CCDC91: variants seen among roughly 807,000 people sequenced by gnomAD.
CCDC91 encodes coiled-coil domain-containing protein 91.
A neutral mutation model predicts 63.2 loss-of-function variants in CCDC91; 48 were observed. The ratio of observed to expected loss-of-function variants is 0.76; its 90% CI spans 0.60 to 0.97. The LOEUF is 0.97. Ranked by LOEUF, CCDC91 falls within the 50% of genes least tolerant of loss-of-function variation. The pLI is 0.00. For missense variants in CCDC91, 500 were observed against 494.6 expected (o/e 1.01, Z -0.10); for synonymous variants, 167 against 165.8 (o/e 1.01, Z -0.06).
chr12:28,355,586 T>C (rs1040022770), intron 6 of CCDC91, among the ~76,000 whole-genome samples: 6 of 152,198 alleles, frequency 3.9e-5, no homozygotes, highest in African/African-American at 9.7e-5. Flanking sequence ...ACCACCAATT[T>C]CTTTCCTTAA....
chr12:28,341,050 C>T (rs1201558584), intron 6 of CCDC91, among the ~76,000 whole-genome samples: 1 of 152,106 alleles, frequency 6.6e-6, no homozygotes, highest in African/African-American at 2.4e-5. Flanking sequence ...TTCTGTCCAC[C>T]CCAATCAAAC....
chr12:28,478,724 GC>G (rs1566037826), intron 11 of CCDC91, among the ~76,000 whole-genome samples: 2 of 152,092 alleles, frequency 1.3e-5, no homozygotes, highest in Non-Finnish European at 2.9e-5. Flanking sequence ...CTGACAAAGG[GC>G]TAATATCCAG....
intron 6 of CCDC91, among the ~76,000 whole-genome samples, chr12:28,336,396 CA>C (rs1941985820): frequency 1.3e-5 from 2 of 151,964 alleles, no homozygotes; most frequent in African/African-American, 2.4e-5. Flanking sequence ...CCTAATAGAA[CA>C]AAAAAGATTT....
intron 6 of CCDC91, among the ~76,000 whole-genome samples, chr12:28,325,561 T>C (rs1321702260): frequency 1.3e-5 from 2 of 151,900 alleles, no homozygotes; most frequent in African/African-American, 4.8e-5. Context: ...AAGGATACAT[T>C]GTGAGTATTG....
intron 11 of CCDC91, among the ~76,000 whole-genome samples, chr12:28,480,803 T>G (rs1254198389): frequency 6.6e-6 from 1 of 152,046 alleles, no homozygotes; most frequent in South Asian, 2.1e-4. Context: ...TGGTGATACT[T>G]GTTTTCTGTA....
chr12:28,263,698 A>G (rs1471023020), intron 3 of CCDC91, among the ~76,000 whole-genome samples: 1 of 152,034 alleles, frequency 6.6e-6, no homozygotes, highest in African/African-American at 2.4e-5. Context: ...TATGACTCCC[A>G]TCTCTTTATG....
chr12:28,493,214 C>T (rs1952104654), intron 12 of CCDC91, among the ~76,000 whole-genome samples: 1 of 151,558 alleles, frequency 6.6e-6, no homozygotes, highest in Non-Finnish European at 1.5e-5. Context: ...TACCCAAAAT[C>T]AGTACGAGGG....
chr12:28,323,530 T>G (rs541463795), intron 6 of CCDC91, among the ~76,000 whole-genome samples: 6 of 152,082 alleles, frequency 3.9e-5, no homozygotes, highest in Admixed American at 1.3e-4. Flanking sequence ...CATTTCTGTT[T>G]TATTGCACAT....
chr12:28,379,707 G>C (rs572198845), intron 7 of CCDC91, among the ~76,000 whole-genome samples: 1 of 152,270 alleles, frequency 6.6e-6, no homozygotes, highest in South Asian at 2.1e-4. Flanking sequence ...CTGTTGGTGG[G>C]AGTGTATATT....
At chr12:28,372,284 T>C (rs1944668400) in intron 7 of CCDC91, among the ~76,000 whole-genome samples, 1 of 152,176 alleles carries the variant, frequency 6.6e-6, no homozygotes, top group African/African-American at 2.4e-5. Flanking sequence ...CTTCCAGATT[T>C]GTTCTTTTTG....
chr12:28,473,440 TTAAA>T (rs1304870581), intron 11 of CCDC91, among the ~76,000 whole-genome samples: 1 of 152,220 alleles, frequency 6.6e-6, no homozygotes, highest in Admixed American at 6.5e-5. Flanking sequence ...ACTATGAGTT[TTAAA>T]TAATTTACTT....
intron 1 of CCDC91, among the ~76,000 whole-genome samples, chr12:28,247,862 A>G (rs1945859278): frequency 6.6e-6 from 1 of 152,140 alleles, no homozygotes. Flanking sequence ...CATTAGTTAG[A>G]TTCTCCTAAG....
chr12:28,337,270 G>C (rs1472059289), intron 6 of CCDC91, among the ~76,000 whole-genome samples: 5 of 152,000 alleles, frequency 3.3e-5, no homozygotes, highest in African/African-American at 1.2e-4. Flanking sequence ...ACATGTATTT[G>C]ATGTTTTTCG....
At chr12:28,437,020 T>C (rs1948946367) in intron 8 of CCDC91, among the ~76,000 whole-genome samples, 1 of 151,870 alleles carries the variant, frequency 6.6e-6, no homozygotes, top group Non-Finnish European at 1.5e-5. Flanking sequence ...CAGTCTCTTT[T>C]CCTTGTAGGT....
chr12:28,237,521 G>C (rs984816194), intron 1 of CCDC91, among the ~76,000 whole-genome samples: 11 of 152,134 alleles, frequency 7.2e-5, no homozygotes, highest in Non-Finnish European at 1.3e-4. Context: ...AGTAGAAAGA[G>C]ATTTGAAGAT....
chr12:28,548,160 C>T (rs997323549), intron 12 of CCDC91, among the ~76,000 whole-genome samples: 8 of 152,020 alleles, frequency 5.3e-5, no homozygotes, highest in South Asian at 2.1e-4. Context: ...CCTCTTGTTT[C>T]GTTTACCATA....
intron 1 of CCDC91, among the ~76,000 whole-genome samples, chr12:28,219,979 T>A (rs1401389199): frequency 6.6e-6 from 1 of 152,178 alleles, no homozygotes; most frequent in Non-Finnish European, 1.5e-5. Context: ...TAATTTTATC[T>A]CTTTTGTGTT....
intron 12 of CCDC91, among the ~76,000 whole-genome samples, chr12:28,539,246 C>T (rs1466397140): frequency 1.3e-5 from 2 of 152,090 alleles, no homozygotes; most frequent in East Asian, 1.9e-4. Context: ...TTAGGTCTAA[C>T]GTTTAAGTCT....
chr12:28,438,214 A>G lies in CCDC91; in HGVS notation c.763-11947A>G, dbSNP rs75506216. On this transcript the variant is annotated intron_variant, in intron 8 of 12. Coordinates refer to ENST00000536442, the MANE Select transcript of CCDC91 (RefSeq NM_018318.5). Reference sequence around the variant, plus strand: ...CTACTGCAACTTCAGCATCTTTGTAATGTCCATATCTCCGGTAGTAAGAGG... The same window carrying G: ...CTACTGCAACTTCAGCATCTTTGTAGTGTCCATATCTCCGGTAGTAAGAGG... Among the ~76,000 whole-genome samples, 36 of 152,178 alleles carry G rather than the reference A, an allele frequency of 2.4e-4. No individual in the cohort carries two copies. In the East Asian group the frequency reaches 2.5e-3, roughly 11 times the overall value.
Sources: gnomAD v4.1 joint callset for allele counts (sites outside exome capture counted in the v4.1 genomes callset) on GRCh38, gnomAD v4.1.1 for gene constraint, MANE v1.5 for transcripts, NCBI Gene and HGNC (gene_info 2026-07-23, HGNC 2026-07-21) for gene names.